Variants in SDK2 observed in about 807,000 individuals in gnomAD.
SDK2 encodes the protein protein sidekick-2.
In SDK2, 105 loss-of-function variants were observed where a neutral mutation model predicts 253.9. The observed-to-expected ratio is 0.41, with a 90% CI of 0.35 to 0.49. The LOEUF is 0.49. SDK2 is among the 20% of genes least tolerant of loss of function. The pLI is 0.06. For synonymous variants in SDK2, 1,249 were observed against 1,234.9 expected (o/e 1.01, Z -0.24); for missense variants, 2,608 against 3,003.0 (o/e 0.87, Z 3.07).
intron 1 of SDK2, among the ~76,000 whole-genome samples, chr17:73,638,909 A>G (rs1362398360): frequency 6.6e-6 from 1 of 150,720 alleles, no homozygotes; most frequent in Non-Finnish European, 1.5e-5. Flanking sequence ...TCCCAGGTTC[A>G]AGAGATTCTC....
At chr17:73,531,061 T>C (rs931092977) in intron 1 of SDK2, among the ~76,000 whole-genome samples, 4 of 152,150 alleles carry the variant, frequency 2.6e-5, no homozygotes. Context: ...CCTCCTGTGG[T>C]TCTGAAATGT....
chr17:73,379,372 G>C lies in SDK2; in HGVS notation c.4864+76C>G. The stretch of plus-strand genomic sequence containing the variant: ...TGGGCTGGGCGGGATGGGGAGCCCA[G>C]ATCCCGTTTCTTCCAGCTGAACTGG... On this transcript the variant is annotated intron_variant, in intron 35 of 44. Transcript: ENST00000392650. This position sits in a 1 kb window ranked among gnomAD's most constrained non-coding sequence, Gnocchi z 4.5. 6.7e-7 allele frequency: 1 copy of C among 1,492,208 alleles called. No individual in the cohort carries two copies. Among genetic ancestry groups the C allele is most frequent in the Non-Finnish European group, 9.2e-7 (1 of 1,086,268 alleles). 92.4% of individuals were successfully genotyped at this position (1,492,208 alleles called of 1,614,324 possible). A position where few individuals can be genotyped will look rare whatever the true frequency, so the allele number is the denominator to read the frequency against.
At chr17:73,360,819 C>G (rs1028745389) in intron 39 of SDK2, among the ~76,000 whole-genome samples, 1 of 150,926 alleles carries the variant, frequency 6.6e-6, no homozygotes, top group Admixed American at 6.6e-5. Context: ...ACCTGTAATC[C>G]CAGCTACTTG....
intron 39 of SDK2, among the ~76,000 whole-genome samples, chr17:73,360,374 G>A (rs1169813968): frequency 2.0e-5 from 3 of 152,218 alleles, no homozygotes; most frequent in Non-Finnish European, 4.4e-5. Flanking sequence ...CTCTCTTCCT[G>A]AGTCAGGCTA....
intron 4 of SDK2, among the ~76,000 whole-genome samples, chr17:73,448,406 C>T (rs1189173468): frequency 9.2e-5 from 14 of 151,978 alleles, no homozygotes; most frequent in Admixed American, 9.2e-4. Flanking sequence ...GATCTGTTGC[C>T]CAGGCTGGAG....
At chr17:73,475,404 G>A (rs370006960) in intron 2 of SDK2, among the ~76,000 whole-genome samples, 10 of 152,056 alleles carry the variant, frequency 6.6e-5, no homozygotes, top group South Asian at 4.2e-4. Context: ...CACCCACCTC[G>A]GCCTCCCAAA....
intron 4 of SDK2, among the ~76,000 whole-genome samples, chr17:73,448,002 G>A (rs7208526): frequency 0.016 from 2,435 of 152,182 alleles, 61 homozygotes; most frequent in African/African-American, 0.056. Context: ...AGACGCCGAG[G>A]CCACCCAAAG....
chr17:73,558,416 G>GGGAAGGAGGGAGGGA (rs1454974049), intron 1 of SDK2, among the ~76,000 whole-genome samples: 2 of 151,838 alleles, frequency 1.3e-5, no homozygotes, highest in African/African-American at 4.9e-5. Flanking sequence ...TAGGAAGGAA[G>GGGAAGGAGGGAGGGA]GGAAGGAGGG....
At chr17:73,453,838 A>T (rs1342826968) in intron 4 of SDK2, among the ~76,000 whole-genome samples, 3 of 152,204 alleles carry the variant, frequency 2.0e-5, no homozygotes, top group African/African-American at 7.2e-5. Flanking sequence ...AGAGAGTCTT[A>T]GGATAGAGCC....
intron 18 of SDK2, among the ~76,000 whole-genome samples, chr17:73,411,162 C>CTTG (rs1409102187): frequency 7.2e-5 from 11 of 152,128 alleles, no homozygotes; most frequent in Non-Finnish European, 1.5e-4. Context: ...TCTGCTCGAC[C>CTTG]TTGGGTTCAC....
Position 73,338,695 on chromosome 17 carries a change from G to A in SDK2, c.6411C>T (p.Pro2137=). The change falls in exon 45 of 45, where the codon CCC becomes CCT. Residue 2137 remains proline, a synonymous_variant. Coordinates refer to ENST00000392650, the MANE Select transcript of SDK2 (RefSeq NM_001144952.2). The surrounding 1 kb of genome is among the most constrained non-coding windows in gnomAD (Gnocchi z 5.0). ...FRPKASRTPT[P]QNPPNPPSQQ... is the part of the protein sequence containing the mutation. ...GACTTGGGGGGTTAGGGGGGTTCTG[G>A]GGCGTTGGAGTCCGACTGGCCTTGG... is the stretch of plus-strand genomic sequence containing the variant. The A allele has an allele frequency of 6.2e-7, 1 of 1,606,838 alleles. No homozygotes were observed. Among genetic ancestry groups the A allele is most frequent in the Non-Finnish European group, 8.5e-7 (1 of 1,176,140 alleles).
intron 4 of SDK2, among the ~76,000 whole-genome samples, chr17:73,454,349 T>C (rs1183898774): frequency 6.6e-6 from 1 of 152,244 alleles, no homozygotes; most frequent in South Asian, 2.1e-4. Context: ...TTTCACATAA[T>C]ACAAGAATTA....
At chr17:73,606,707 T>C (rs541010723) in intron 1 of SDK2, among the ~76,000 whole-genome samples, 1 of 152,192 alleles carries the variant, frequency 6.6e-6, no homozygotes, top group Non-Finnish European at 1.5e-5. Flanking sequence ...ACTCTATCCA[T>C]GGAGAAAAAG....
At chr17:73,535,935 A>G (rs1482518699) in intron 1 of SDK2, among the ~76,000 whole-genome samples, 7 of 152,152 alleles carry the variant, frequency 4.6e-5, no homozygotes, top group Admixed American at 4.6e-4. Flanking sequence ...CCACCCACCA[A>G]GCACATCCTT....
chr17:73,415,490 C>T (rs2063172745), intron 17 of SDK2, among the ~76,000 whole-genome samples: 1 of 151,926 alleles, frequency 6.6e-6, no homozygotes, highest in African/African-American at 2.4e-5. Context: ...GGACCACAGG[C>T]ATGTACCACC....
At chr17:73,518,664 C>A (rs1050497030) in intron 1 of SDK2, 6 of 152,132 alleles carry the variant, frequency 3.9e-5, no homozygotes, top group African/African-American at 1.4e-4. Flanking sequence ...AAACTTATAC[C>A]ATCGATTAGA....
At chr17:73,432,794 GTGTGTGCATA>G (rs1445026811) in intron 10 of SDK2, among the ~76,000 whole-genome samples, 1 of 152,026 alleles carries the variant, frequency 6.6e-6, no homozygotes, top group Non-Finnish European at 1.5e-5. Flanking sequence ...GTATGTACAT[GTGTGTGCATA>G]TGTGTGCACA....
chr17:73,547,298 C>T (rs1266393885), intron 1 of SDK2, among the ~76,000 whole-genome samples: 2 of 152,238 alleles, frequency 1.3e-5, no homozygotes, highest in Admixed American at 6.5e-5. Flanking sequence ...AAAGGTCCTT[C>T]CATGCTGTTA....
chr17:73,381,968 A>G (rs952431668), intron 33 of SDK2, among the ~76,000 whole-genome samples: 20 of 152,178 alleles, frequency 1.3e-4, no homozygotes, highest in Admixed American at 9.2e-4. Flanking sequence ...TAATCCCAGC[A>G]CTTCGGAAGG....
Sources: gnomAD v4.1 joint callset for allele counts (sites outside exome capture counted in the v4.1 genomes callset) on GRCh38, gnomAD v4.1.1 for gene constraint, Gnocchi (gnomAD v3.1) non-coding constraint, MANE v1.5 for transcripts, NCBI Gene and HGNC (gene_info 2026-07-23, HGNC 2026-07-21) for gene names.